PCDHGB5: variants seen among roughly 807,000 people sequenced by gnomAD.
The protein encoded by PCDHGB5 is protocadherin gamma subfamily B, 5, also known as protocadherin gamma-B5.
A neutral mutation model predicts 62.9 loss-of-function variants in PCDHGB5; 48 were observed. That is an observed-to-expected ratio of 0.76 (90% CI 0.61 to 0.97). The LOEUF is 0.97. Ranked by LOEUF, PCDHGB5 falls within the 50% of genes least tolerant of loss-of-function variation. The pLI is 0.00. For synonymous variants in PCDHGB5, 474 were observed against 511.2 expected (o/e 0.93, Z 0.98); for missense variants, 1,118 against 1,198.6 (o/e 0.93, Z 0.99).
chr5:141,431,114 G>T lies in PCDHGB5; in HGVS notation c.2397+30590G>T. On this transcript the variant is annotated intron_variant, in intron 1 of 3. Coordinates refer to ENST00000617380, the MANE Select transcript of PCDHGB5 (RefSeq NM_018925.3). This position sits in a 1 kb window ranked among gnomAD's most constrained non-coding sequence, Gnocchi z 4.8. The stretch of plus-strand genomic sequence containing the variant: ...GGAGGATAAAGTGAAAATATATGGA[G>T]TAGAAGTAGAAGTAAGGGACATTAA... 6.2e-7 allele frequency: 1 copy of T among 1,614,158 alleles called. No individual in the cohort carries two copies.
chr5:141,407,869 A>T lies in PCDHGB5; in HGVS notation c.2397+7345A>T, dbSNP rs1031666668. ...GGATGTACACCTGCATTTTCGAAGA[A>T]TATATACATTTCGGAGACCGAATTC... On this transcript the variant is annotated intron_variant, in intron 1 of 3. Coordinates refer to ENST00000617380, the MANE Select transcript of PCDHGB5 (RefSeq NM_018925.3). Among the ~76,000 whole-genome samples, 20 of 152,262 alleles carry T rather than the reference A, an allele frequency of 1.3e-4. No homozygotes were observed. The East Asian group carries it at 1.5e-3, about 12-fold the overall frequency.
chr5:141,467,874 G>T (rs926647135), intron 1 of PCDHGB5, among the ~76,000 whole-genome samples: 1 of 151,920 alleles, frequency 6.6e-6, no homozygotes, highest in Non-Finnish European at 1.5e-5. Context: ...GCCCAGGCTG[G>T]TCTCAAACTC....
At position 141,491,856 on chromosome 5, in the gene PCDHGB5, C is replaced by T; in HGVS notation, c.2398-2951C>T. 1.4e-6 allele frequency: 2 copies of T among 1,458,728 alleles called. No individual in the cohort carries two copies. Among genetic ancestry groups the T allele is most frequent in the Non-Finnish European group, 1.8e-6 (2 of 1,103,072 alleles). 90.4% of individuals were successfully genotyped at this position (1,458,728 alleles called of 1,614,324 possible). A position where few individuals can be genotyped will look rare whatever the true frequency, so the allele number is the denominator to read the frequency against. ...TCTCGGGATCATTGGACCGTTTGCG[C>T]GAAACCAGAGTGGCCGATTAAGGGA... On this transcript the variant is annotated intron_variant, in intron 1 of 3. Coordinates refer to ENST00000617380, the MANE Select transcript of PCDHGB5 (RefSeq NM_018925.3). The surrounding 1 kb of genome is among the most constrained non-coding windows in gnomAD (Gnocchi z 6.9).
intron 1 of PCDHGB5, chr5:141,479,691 C>T (rs2099503603): frequency 6.6e-6 from 1 of 152,206 alleles, no homozygotes; most frequent in Non-Finnish European, 1.5e-5. Context: ...TTTGGTGCCT[C>T]CAGTGTTAGT....
intron 2 of PCDHGB5, among the ~76,000 whole-genome samples, chr5:141,500,985 C>T (rs2099804537): frequency 6.6e-6 from 1 of 152,048 alleles, no homozygotes; most frequent in Non-Finnish European, 1.5e-5. Flanking sequence ...TCTCCTGCCT[C>T]AGCCTCCTGA....
intron 1 of PCDHGB5, among the ~76,000 whole-genome samples, chr5:141,473,583 A>G (rs905824343): frequency 6.6e-6 from 1 of 152,226 alleles, no homozygotes; most frequent in Non-Finnish European, 1.5e-5. Flanking sequence ...CTAAGACCAG[A>G]CAGACCTGTA....
At chr5:141,449,630 T>A (rs1006977026) in intron 1 of PCDHGB5, among the ~76,000 whole-genome samples, 6 of 150,024 alleles carry the variant, frequency 4.0e-5, no homozygotes, top group Non-Finnish European at 8.9e-5. Flanking sequence ...TTTAAAAAGA[T>A]GTATCTATAT....
rs57426385 is a variant in PCDHGB5 at position 141,415,740 on chromosome 5, G to GTTT, written c.2397+15246_2397+15248dup. ...TGAGTAGAATTTGATGTTTATTAAG[G>GTTT]TTTTTTTTTTTTTTTTTTTTTTTTT... On this transcript the variant is annotated intron_variant, in intron 1 of 3. Transcript: ENST00000617380. 6,178 of 620,014 alleles carry GTTT rather than the reference G, an allele frequency of 1.0e-2. 42 individuals are homozygous for GTTT. Among genetic ancestry groups the GTTT allele is most frequent in the South Asian group, 0.019 (660 of 34,340 alleles). The allele number at this position is 620,014 out of a possible 1,614,324, so 38.4% of individuals were successfully genotyped here. A position where few individuals can be genotyped will look rare whatever the true frequency, so the allele number is the denominator to read the frequency against.
intron 1 of PCDHGB5, chr5:141,414,109 G>A: frequency 6.3e-7 from 1 of 1,592,288 alleles, no homozygotes; most frequent in Non-Finnish European, 8.6e-7. Context: ...AGAAAATCTA[G>A]ATTATGAAGA....
intron 1 of PCDHGB5, chr5:141,433,097 G>C: frequency 6.2e-7 from 1 of 1,614,162 alleles, no homozygotes; most frequent in Non-Finnish European, 8.5e-7. Context: ...AGACATGCTC[G>C]TCAGCCAGGA....
At position 141,450,754 on chromosome 5, in the gene PCDHGB5, C is replaced by T. The variant is rs192088793; in HGVS notation, c.2398-44053C>T. Among the ~76,000 whole-genome samples, 54 of 151,098 alleles carry T rather than the reference C, an allele frequency of 3.6e-4. 1 individual carries two copies. Among genetic ancestry groups the T allele is most frequent in the African/African-American group, 1.1e-3 (47 of 41,192 alleles). ...CGCCCGCCTTGGCCTCCCAAAGTGC[C>T]GGGATTACAGGCATGAGCCACCGTG... On this transcript the variant is annotated intron_variant, in intron 1 of 3. Transcript: ENST00000617380.
intron 1 of PCDHGB5, among the ~76,000 whole-genome samples, chr5:141,450,485 T>A (rs1382219564): frequency 6.6e-6 from 1 of 152,160 alleles, no homozygotes; most frequent in Non-Finnish European, 1.5e-5. Flanking sequence ...GTTTGTTTGT[T>A]TGTCTGTTTG....
At chr5:141,421,283 T>G (rs2096560959) in intron 1 of PCDHGB5, 4 of 1,612,952 alleles carry the variant, frequency 2.5e-6, no homozygotes, top group Non-Finnish European at 3.4e-6. Flanking sequence ...CTGCTGTGCA[T>G]TTTCCTGGGG....
At position 141,431,106 on chromosome 5, in the gene PCDHGB5, T is replaced by C. The variant is rs566174531; in HGVS notation, c.2397+30582T>C. 25 of 1,614,108 alleles carry C rather than the reference T, an allele frequency of 1.5e-5. No homozygotes were observed. In the South Asian group the frequency reaches 2.7e-4, roughly 18 times the overall value. On this transcript the variant is annotated intron_variant, in intron 1 of 3. Transcript: ENST00000617380. This position sits in a 1 kb window ranked among gnomAD's most constrained non-coding sequence, Gnocchi z 4.8. ...ATTCTGATGGAGGATAAAGTGAAAA[T>C]ATATGGAGTAGAAGTAGAAGTAAGG...
At chr5:141,467,767 C>T (rs72790060) in intron 1 of PCDHGB5, among the ~76,000 whole-genome samples, 25,555 of 151,632 alleles carry the variant, frequency 0.17, 2,195 homozygotes, top group South Asian at 0.22. Context: ...GCTCAAGTGC[C>T]CGCACCTCAG....
rs144222319 is a variant in PCDHGB5, at chr5:141,505,519, C to T, written c.2545+38C>T. ...AGTGTGTGTATGGAAGAGTGGGAGACCTGGGGTTCTGGGGTGCATCTCACA... is the reference window on the plus strand; with the variant it reads ...AGTGTGTGTATGGAAGAGTGGGAGATCTGGGGTTCTGGGGTGCATCTCACA... On this transcript the variant is annotated intron_variant, in intron 3 of 3. Coordinates refer to ENST00000617380, the MANE Select transcript of PCDHGB5 (RefSeq NM_018925.3). The T allele has an allele frequency of 1.5e-3, 2,491 of 1,613,690 alleles. 3 individuals carry two copies. The highest frequency in any genetic ancestry group is 2.6e-3 in the Middle Eastern group (16 of 6,060).
At chr5:141,509,344 T>A (rs2099876374) in intron 3 of PCDHGB5, among the ~76,000 whole-genome samples, 1 of 152,202 alleles carries the variant, frequency 6.6e-6, no homozygotes, top group Admixed American at 6.5e-5. Flanking sequence ...GGGCCTGGGC[T>A]GGCCTGGGCA....
At chr5:141,502,356 G>C (rs1443285213) in intron 2 of PCDHGB5, among the ~76,000 whole-genome samples, 4 of 151,838 alleles carry the variant, frequency 2.6e-5, no homozygotes. Flanking sequence ...TAATGACATG[G>C]ATATTTTTAA....
chr5:141,407,599 AAAG>A (rs1328416590), intron 1 of PCDHGB5, among the ~76,000 whole-genome samples: 13 of 152,198 alleles, frequency 8.5e-5, no homozygotes, highest in Admixed American at 2.0e-4. Flanking sequence ...CTCATCTTAA[AAAG>A]AAGCATTGGT....
Sources: gnomAD v4.1 joint callset for allele counts (sites outside exome capture counted in the v4.1 genomes callset) on GRCh38, gnomAD v4.1.1 for gene constraint, Gnocchi (gnomAD v3.1) non-coding constraint, MANE v1.5 for transcripts, NCBI Gene and HGNC (gene_info 2026-07-23, HGNC 2026-07-21) for gene names.